The following CACNA2D4 variants were observed in gnomAD, a reference collection of about 807,000 sequenced individuals.
The protein encoded by CACNA2D4 is calcium voltage-gated channel auxiliary subunit alpha2delta 4.
A neutral mutation model predicts 163.8 loss-of-function variants in CACNA2D4; 157 were observed. The ratio of observed to expected loss-of-function variants is 0.96; its 90% confidence interval spans 0.84 to 1.09. The LOEUF (loss-of-function observed/expected upper bound fraction) is 1.09, where lower values mean the gene tolerates loss of function less well. CACNA2D4 is among the 50% of genes least tolerant of loss of function. The pLI is 0.00. For missense variants in CACNA2D4, 1,410 were observed against 1,479.9 expected (o/e 0.95, Z 0.78); for synonymous variants, 598 against 586.9 (o/e 1.02, Z -0.27).
In CACNA2D4 at chr12:1,797,516, C is replaced by G. The variant is rs1031741624; in HGVS notation, c.3015G>C (p.Gln1005His). 2 of 1,573,724 alleles carry G rather than the reference C, an allele frequency of 1.3e-6. No individual in the cohort carries two copies. Among genetic ancestry groups the G allele is most frequent in the Non-Finnish European group, 1.7e-6 (2 of 1,161,030 alleles). ...VFHHSHKHKK[Q>H]DPLQPCDTEY... The stretch of plus-strand genomic sequence containing the variant: ...CCGTGTCGCAGGGCTGCAGCGGGTC[C>G]TGCTTCTTGTGTTTGTGGGCTGCGG... The change falls in exon 35 of 38, where the codon CAG becomes CAC. Residue 1005 changes from glutamine (Q) to histidine (H), a missense_variant. Gln to His is a conservative substitution (Grantham distance 24, BLOSUM62 0). Coordinates refer to ENST00000382722, the MANE Select transcript of CACNA2D4 (RefSeq NM_172364.5).
rs116032655 is a variant in CACNA2D4 at position 1,875,964 on chromosome 12, C to T, written c.1720-627G>A. On this transcript the variant is annotated intron_variant, in intron 16 of 37. Coordinates refer to ENST00000382722, the MANE Select transcript of CACNA2D4 (RefSeq NM_172364.5). This position sits in a 1 kb window ranked among gnomAD's most constrained non-coding sequence, Gnocchi z 4.0. ...GTCAGGGGGCCCTGACTGCTGCCTG[C>T]GGTTCTGCTGTTTTCCTGGCCAGCC... Among the ~76,000 whole-genome samples the T allele has an allele frequency of 4.4e-3, 675 of 152,300 alleles. 5 individuals are homozygous for T. Among genetic ancestry groups the T allele is most frequent in the African/African-American group, 0.015 (641 of 41,558 alleles).
chr12:1,847,312 T>C (rs137867456), intron 23 of CACNA2D4, among the ~76,000 whole-genome samples: 1 of 152,354 alleles, frequency 6.6e-6, no homozygotes, highest in Non-Finnish European at 1.5e-5. Context: ...GATGATATTC[T>C]TGTCTTTGGC....
At chr12:1,902,150 T>C (rs1399754975) in intron 6 of CACNA2D4, among the ~76,000 whole-genome samples, 4 of 151,688 alleles carry the variant, frequency 2.6e-5, no homozygotes, top group Admixed American at 1.3e-4. Flanking sequence ...AAGCATTTGA[T>C]AAAATTCAAC....
chr12:1,908,413 C>T (rs933769609), intron 4 of CACNA2D4, among the ~76,000 whole-genome samples: 1 of 152,212 alleles, frequency 6.6e-6, no homozygotes, highest in African/African-American at 2.4e-5. Flanking sequence ...CAGGAAGGTC[C>T]CAGAGCCCCA....
intron 26 of CACNA2D4, among the ~76,000 whole-genome samples, chr12:1,821,547 G>A (rs1864102192): frequency 6.6e-6 from 1 of 152,078 alleles, no homozygotes; most frequent in Non-Finnish European, 1.5e-5. Context: ...GGGGTGTCCC[G>A]CAGCTGTGCA....
intron 3 of CACNA2D4, among the ~76,000 whole-genome samples, chr12:1,912,426 G>A (rs1004141253): frequency 2.6e-5 from 4 of 152,216 alleles, no homozygotes; most frequent in Non-Finnish European, 5.9e-5. Context: ...ACCAGGCTTG[G>A]TGGATGTCCA....
intron 35 of CACNA2D4, among the ~76,000 whole-genome samples, chr12:1,797,079 C>G (rs1863150851): frequency 6.6e-6 from 1 of 152,220 alleles, no homozygotes; most frequent in Non-Finnish European, 1.5e-5. Flanking sequence ...GGGAGACCCG[C>G]CGAAGGGCCC....
intron 18 of CACNA2D4, among the ~76,000 whole-genome samples, chr12:1,863,487 G>A (rs1016784482): frequency 1.1e-4 from 17 of 152,172 alleles, no homozygotes; most frequent in African/African-American, 1.9e-4. Context: ...ATCGGATTGC[G>A]TTGAATCTAT....
intron 29 of CACNA2D4, among the ~76,000 whole-genome samples, chr12:1,808,980 G>A (rs1367892497): frequency 6.6e-6 from 1 of 152,178 alleles, no homozygotes; most frequent in Non-Finnish European, 1.5e-5. Flanking sequence ...TGTGTGTCCT[G>A]CAAAGCCCCG....
Position 1,886,350 on chromosome 12 carries a change from G to A in CACNA2D4, c.866C>T (p.Pro289Leu), listed in dbSNP as rs1866146145. The A allele has an allele frequency of 1.2e-6, 2 of 1,613,882 alleles. No homozygotes were observed. Among genetic ancestry groups the A allele is most frequent in the African/African-American group, 1.3e-5 (1 of 75,022 alleles). ...GTCCACCAAAATCACTATGTCCTTG[G>A]GAGAAGTAGCAGCTTGAATGTACCT... ...RGWYIQAATS[P>L]KDIVILVDVS... is the part of the protein sequence containing the mutation. Residue 289 changes from proline (P) to leucine (L), a missense_variant, in exon 8 of 38, where the codon CCC (proline) becomes CTC (leucine). By Grantham distance (98) the Pro-to-Leu change is moderately conservative. Transcript: ENST00000382722.
In CACNA2D4 at chr12:1,820,569, C is replaced by T. The variant is rs944661236; in HGVS notation, c.2552-8846G>A. On this transcript the variant is annotated intron_variant, in intron 26 of 37. Coordinates refer to ENST00000382722, the MANE Select transcript of CACNA2D4 (RefSeq NM_172364.5). The surrounding 1 kb of genome is among the most constrained non-coding windows in gnomAD (Gnocchi z 6.0). ...CTCCTCTCTCTCTCTCCCTCCATCC[C>T]TCTCTTTCCTTCTCAGTTTGTGACT... 1 of 152,476 alleles carries T rather than the reference C, an allele frequency of 6.6e-6. No homozygotes were observed. Among genetic ancestry groups the T allele is most frequent in the African/African-American group, 2.4e-5 (1 of 41,470 alleles). The allele number at this position is 152,476 out of a possible 1,614,324, so 9.4% of individuals were successfully genotyped here. A position where few individuals can be genotyped will look rare whatever the true frequency, so the allele number is the denominator to read the frequency against.
In CACNA2D4 at chr12:1,829,644, C is replaced by T. The variant is rs1864527978; in HGVS notation, c.2551+11095G>A. Among the ~76,000 whole-genome samples the T allele has an allele frequency of 1.3e-5, 2 of 151,382 alleles. No individual in the cohort carries two copies. Among genetic ancestry groups the T allele is most frequent in the Admixed American group, 1.3e-4 (2 of 15,214 alleles). On this transcript the variant is annotated intron_variant, in intron 26 of 37. Transcript: ENST00000382722. This position sits in a 1 kb window ranked among gnomAD's most constrained non-coding sequence, Gnocchi z 4.2. ...CTTTGGGACAGCAGACACCCAGACCCCTACTGGACAAGACTCAAGGCTGTT... is the reference window on the plus strand; with the variant it reads ...CTTTGGGACAGCAGACACCCAGACCTCTACTGGACAAGACTCAAGGCTGTT...
intron 26 of CACNA2D4, among the ~76,000 whole-genome samples, chr12:1,823,025 G>A (rs1864171963): frequency 6.6e-6 from 1 of 152,196 alleles, no homozygotes; most frequent in Admixed American, 6.5e-5. Flanking sequence ...GAAGGGGGCG[G>A]CAGAGTAGGC....
In CACNA2D4 at chr12:1,918,628, C is replaced by T. The variant is rs1312735034; in HGVS notation, c.-155G>A. On this transcript the variant is annotated 5_prime_UTR_variant, in exon 1 of 38. Coordinates refer to ENST00000382722, the MANE Select transcript of CACNA2D4 (RefSeq NM_172364.5). ...CTCACAGAAGAGTCGCCCCACCTAG[C>T]AAGCAGGCCTCGGAGACAGGGACTG... is the stretch of plus-strand genomic sequence containing the variant. The T allele has an allele frequency of 1.7e-6, 1 of 597,374 alleles. No homozygotes were observed. 37.0% of individuals were successfully genotyped at this position (597,374 alleles called of 1,614,324 possible).
chr12:1,839,804 G>A (rs1030489037), intron 26 of CACNA2D4, among the ~76,000 whole-genome samples: 3 of 152,164 alleles, frequency 2.0e-5, no homozygotes, highest in Admixed American at 1.3e-4. Context: ...ACAGGAATCA[G>A]CATCCACTGT....
At chr12:1,803,371 T>C (rs1490887870) in intron 29 of CACNA2D4, among the ~76,000 whole-genome samples, 1 of 152,242 alleles carries the variant, frequency 6.6e-6, no homozygotes, top group Non-Finnish European at 1.5e-5. Context: ...GTTATGCCCA[T>C]GGTTCATAAT....
chr12:1,820,563 C>T lies in CACNA2D4; in HGVS notation c.2552-8840G>A, dbSNP rs932041707. 6.6e-6 allele frequency: 1 copy of T among 152,466 alleles called. No individual in the cohort carries two copies. The highest frequency in any genetic ancestry group is 2.4e-5 in the African/African-American group (1 of 41,462). The allele number at this position is 152,466 out of a possible 1,614,324, so 9.4% of individuals were successfully genotyped here. On this transcript the variant is annotated intron_variant, in intron 26 of 37. Transcript: ENST00000382722. The surrounding 1 kb of genome is among the most constrained non-coding windows in gnomAD (Gnocchi z 6.0). ...CCCTCTCTCCTCTCTCTCTCTCCCT[C>T]CATCCCTCTCTTTCCTTCTCAGTTT...
At chr12:1,808,825 AC>A (rs1324254548) in intron 29 of CACNA2D4, among the ~76,000 whole-genome samples, 1 of 152,118 alleles carries the variant, frequency 6.6e-6, no homozygotes, top group Non-Finnish European at 1.5e-5. Flanking sequence ...TCTTATCATC[AC>A]TGGTTTTCTC....
Position 1,883,880 on chromosome 12 carries a change from T to G in CACNA2D4, c.1351+363A>C, listed in dbSNP as rs1263519896. On this transcript the variant is annotated intron_variant, in intron 12 of 37. Transcript: ENST00000382722. The surrounding 1 kb of genome is among the most constrained non-coding windows in gnomAD (Gnocchi z 4.5). ...CCTGGAAATGGGGCCAGGTGCATAGTGGATGCTCAGTGAATTTTTGTTGAA... is the reference window on the plus strand; with the variant it reads ...CCTGGAAATGGGGCCAGGTGCATAGGGGATGCTCAGTGAATTTTTGTTGAA... 1 of 250,018 alleles carries G rather than the reference T, an allele frequency of 4.0e-6. No individual in the cohort carries two copies. The highest frequency in any genetic ancestry group is 7.7e-6 in the Non-Finnish European group (1 of 129,342). The allele number at this position is 250,018 out of a possible 1,614,324, so 15.5% of individuals were successfully genotyped here.
Sources: gnomAD v4.1 joint callset for allele counts (sites outside exome capture counted in the v4.1 genomes callset) on GRCh38, gnomAD v4.1.1 for gene constraint, Gnocchi (gnomAD v3.1) non-coding constraint, MANE v1.5 for transcripts, NCBI Gene and HGNC (gene_info 2026-07-23, HGNC 2026-07-21) for gene names.